FHIT: variants seen among roughly 807,000 people sequenced by gnomAD.
The protein encoded by FHIT is fragile histidine triad diadenosine triphosphatase.
FHIT carries 19 observed loss-of-function variants against 17.9 expected under a neutral mutation model. The ratio of observed to expected loss-of-function variants is 1.06; its 90% CI spans 0.74 to 1.56. The LOEUF (loss-of-function observed/expected upper bound fraction) is 1.56, where lower values mean the gene tolerates loss of function less well. FHIT is among the 40% of genes most tolerant of loss of function. The pLI is 0.00. For synonymous variants in FHIT, 81 were observed against 69.7 expected (o/e 1.16, Z -0.81); for missense variants, 248 against 189.2 (o/e 1.31, Z -1.82).
chr3:60,115,458 A>C (rs1342431961), intron 5 of FHIT, among the ~76,000 whole-genome samples: 1 of 152,190 alleles, frequency 6.6e-6, no homozygotes, highest in Non-Finnish European at 1.5e-5. Flanking sequence ...ATAAAACGGT[A>C]ATTTTGTTGG....
At chr3:59,792,289 T>A (rs1176477825) in intron 8 of FHIT, among the ~76,000 whole-genome samples, 5 of 152,202 alleles carry the variant, frequency 3.3e-5, no homozygotes, top group African/African-American at 1.2e-4. Context: ...GAATGTCTTC[T>A]ACTATAGAAA....
rs367789363 is a variant in FHIT at position 59,825,327 on chromosome 3, T to C, written c.349-73006A>G. ...AGTATGCTTTTTTATGGATGTTTCTTTTGGCAGAACCACTTCCTATGAGCC... is the reference window on the plus strand; with the variant it reads ...AGTATGCTTTTTTATGGATGTTTCTCTTGGCAGAACCACTTCCTATGAGCC... On this transcript the variant is annotated intron_variant, in intron 8 of 9. Transcript: ENST00000492590. Among the ~76,000 whole-genome samples the C allele has an allele frequency of 1.1e-4, 16 of 152,334 alleles. No homozygotes were observed. The East Asian group carries it at 2.9e-3, about 28-fold the overall frequency.
chr3:60,803,310 C>T (rs369868298), intron 4 of FHIT, among the ~76,000 whole-genome samples: 6 of 152,266 alleles, frequency 3.9e-5, no homozygotes, highest in East Asian at 3.9e-4. Flanking sequence ...ACCGCCTATA[C>T]GGACAGTCAC....
chr3:60,728,299 G>T (rs1466475821), intron 4 of FHIT, among the ~76,000 whole-genome samples: 3 of 152,128 alleles, frequency 2.0e-5, no homozygotes, highest in African/African-American at 7.2e-5. Context: ...AGGAAAACTA[G>T]TCTGGTTACT....
intron 7 of FHIT, among the ~76,000 whole-genome samples, chr3:60,007,951 T>C (rs909754566): frequency 6.6e-6 from 1 of 152,124 alleles, no homozygotes; most frequent in Non-Finnish European, 1.5e-5. Flanking sequence ...GCTTCTGTAG[T>C]TTTCTCAGTT....
chr3:60,354,114 T>C (rs1206268970), intron 5 of FHIT, among the ~76,000 whole-genome samples: 1 of 152,122 alleles, frequency 6.6e-6, no homozygotes, highest in Non-Finnish European at 1.5e-5. Flanking sequence ...TAGACTCCTA[T>C]GCTATAATTA....
chr3:60,203,954 G>A (rs2107499769), intron 5 of FHIT, among the ~76,000 whole-genome samples: 1 of 152,272 alleles, frequency 6.6e-6, no homozygotes. Flanking sequence ...AGGGTCATGG[G>A]GAGGGGGGTG....
chr3:61,175,101 C>T (rs1268206853), intron 2 of FHIT, among the ~76,000 whole-genome samples: 1 of 152,088 alleles, frequency 6.6e-6, no homozygotes, highest in Non-Finnish European at 1.5e-5. Flanking sequence ...GTAAGGTTTA[C>T]ATGCTCTTAT....
chr3:59,820,257 A>G (rs982948731), intron 8 of FHIT, among the ~76,000 whole-genome samples: 1 of 152,210 alleles, frequency 6.6e-6, no homozygotes, highest in Non-Finnish European at 1.5e-5. Flanking sequence ...TAGTCCAACA[A>G]TACTACTAAT....
intron 8 of FHIT, among the ~76,000 whole-genome samples, chr3:59,908,886 T>C (rs1341332366): frequency 1.9e-5 from 2 of 102,616 alleles, no homozygotes; most frequent in Admixed American, 2.5e-4. Flanking sequence ...GTAATCATTG[T>C]TATACTTGGC....
intron 5 of FHIT, among the ~76,000 whole-genome samples, chr3:60,244,304 G>A (rs575623801): frequency 1.3e-5 from 2 of 152,104 alleles, no homozygotes; most frequent in East Asian, 1.9e-4. Context: ...TGTATGGGGG[G>A]AGGGATGGAA....
chr3:59,876,096 T>C (rs957515595), intron 8 of FHIT, among the ~76,000 whole-genome samples: 2 of 152,032 alleles, frequency 1.3e-5, no homozygotes, highest in Non-Finnish European at 2.9e-5. Flanking sequence ...ACCTGGTAGA[T>C]GTAATTATAG....
At chr3:61,045,593 T>A (rs2033746084) in intron 2 of FHIT, among the ~76,000 whole-genome samples, 1 of 152,066 alleles carries the variant, frequency 6.6e-6, no homozygotes, top group Admixed American at 6.5e-5. Context: ...GGCAGAAAGT[T>A]AACAAGGATA....
chr3:59,816,656 C>T (rs925839574), intron 8 of FHIT, among the ~76,000 whole-genome samples: 2 of 152,150 alleles, frequency 1.3e-5, no homozygotes, highest in African/African-American at 4.8e-5. Flanking sequence ...CAATCAAGTC[C>T]TATCCTACCA....
chr3:60,784,354 T>TTTTTA (rs2089435999), intron 4 of FHIT, among the ~76,000 whole-genome samples: 1 of 151,492 alleles, frequency 6.6e-6, no homozygotes. Flanking sequence ...TTTTTTTTTT[T>TTTTTA]GAGATGGAGT....
At chr3:61,126,409 T>G (rs2036609222) in intron 2 of FHIT, among the ~76,000 whole-genome samples, 1 of 152,150 alleles carries the variant, frequency 6.6e-6, no homozygotes, top group South Asian at 2.1e-4. Context: ...TCCACATGGT[T>G]GGGGAGGCCT....
At chr3:59,971,710 T>C (rs1455634703) in intron 7 of FHIT, among the ~76,000 whole-genome samples, 1 of 152,158 alleles carries the variant, frequency 6.6e-6, no homozygotes, top group Non-Finnish European at 1.5e-5. Flanking sequence ...TCAGGAAGAC[T>C]GAAGTCCATG....
At chr3:60,104,834 T>C (rs1213420044) in intron 5 of FHIT, among the ~76,000 whole-genome samples, 1 of 152,120 alleles carries the variant, frequency 6.6e-6, no homozygotes, top group Non-Finnish European at 1.5e-5. Flanking sequence ...TCCAGGAAAC[T>C]TAGTTACTAT....
intron 5 of FHIT, among the ~76,000 whole-genome samples, chr3:60,016,773 C>T (rs77274303): frequency 1.2e-3 from 179 of 152,284 alleles, no homozygotes; most frequent in African/African-American, 4.2e-3. Context: ...TTCTCCACAC[C>T]TAGACCAAAA....
Sources: gnomAD v4.1 joint callset for allele counts (sites outside exome capture counted in the v4.1 genomes callset) on GRCh38, gnomAD v4.1.1 for gene constraint, MANE v1.5 for transcripts, NCBI Gene and HGNC (gene_info 2026-07-23, HGNC 2026-07-21) for gene names.